The following POF1B variants were observed in gnomAD, a reference collection of about 807,000 sequenced individuals.
POF1B encodes POF1B actin binding protein, also known as protein POF1B.
Under a neutral mutation model 55.3 loss-of-function variants are expected in POF1B, and 53 were observed. The observed-to-expected ratio is 0.96, with a 90% CI of 0.77 to 1.20. The LOEUF is 1.20. Among genes scored for constraint, POF1B ranks in the 50% most tolerant of loss-of-function variants. The pLI, the probability that POF1B is intolerant of heterozygous loss-of-function variation, is 0.00. For synonymous variants in POF1B, 188 were observed against 148.3 expected, an observed-to-expected ratio of 1.27 and a Z score of -1.95; for missense variants, 478 against 420.5, an observed-to-expected ratio of 1.14 and a Z score of -1.20.
chrX:85,299,445 C>T (rs1198664810), intron 15 of POF1B, among the ~76,000 whole-genome samples: 18 of 105,254 alleles, frequency 1.7e-4, no homozygotes, highest in African/African-American at 5.7e-4. Flanking sequence ...CCCGCTACCA[C>T]GCCTGGCTAA....
chrX:85,281,329 G>A (rs1214864130), intron 16 of POF1B, among the ~76,000 whole-genome samples: 1 of 110,551 alleles, frequency 9.0e-6, no homozygotes, highest in African/African-American at 3.3e-5. Context: ...TGCCGATAAG[G>A]GACTTGAGCA....
At chrX:85,279,655 A>G (rs1207107127) in intron 16 of POF1B, among the ~76,000 whole-genome samples, 1 of 111,036 alleles carries the variant, frequency 9.0e-6, no homozygotes, top group Non-Finnish European at 1.9e-5. Context: ...GTGAAGGACA[A>G]TTAAGTAGAT....
chrX:85,369,671 A>G (rs780547067), intron 2 of POF1B, among the ~76,000 whole-genome samples: 1 of 111,804 alleles, frequency 8.9e-6, no homozygotes, highest in Non-Finnish European at 1.9e-5. Context: ...CTGCTGATTA[A>G]CATTTATATT....
At chrX:85,362,412 T>C (rs1933640824) in intron 3 of POF1B, among the ~76,000 whole-genome samples, 1 of 111,585 alleles carries the variant, frequency 9.0e-6, no homozygotes. Context: ...TTTTAAAGTA[T>C]GTTCCTTCAA....
intron 2 of POF1B, among the ~76,000 whole-genome samples, chrX:85,373,502 G>A (rs187544018): frequency 5.4e-5 from 6 of 111,526 alleles, no homozygotes; most frequent in Non-Finnish European, 5.6e-5. Flanking sequence ...AAAAACCCAT[G>A]TATTAATATG....
In POF1B at chrX:85,307,222, G is replaced by T; in HGVS notation, c.1105C>A (p.Gln369Lys). 1 of 1,204,787 alleles carries T rather than the reference G, an allele frequency of 8.3e-7. No individual in the cohort carries two copies. The highest frequency in any genetic ancestry group is 1.7e-5 in the African/African-American group (1 of 57,569). Residue 369 changes from glutamine (Q) to lysine (K), a missense_variant, in exon 11 of 17, where the codon CAA becomes AAA. By Grantham distance (53) the Gln-to-Lys change is moderately conservative. Coordinates refer to ENST00000262753, the MANE Select transcript of POF1B (RefSeq NM_024921.4). ...AAGAGTTCTTCGTACTCTTTTAATTGAGTGTCTTTGAATGATAAATCTTTC... is the reference window on the plus strand; with the variant it reads ...AAGAGTTCTTCGTACTCTTTTAATTTAGTGTCTTTGAATGATAAATCTTTC... The part of the protein sequence containing the change: ...LEKDLSFKDT[Q>K]LKEYEELLAS...
At chrX:85,324,490 T>C (rs1295415681) in intron 7 of POF1B, among the ~76,000 whole-genome samples, 3 of 111,715 alleles carry the variant, frequency 2.7e-5, no homozygotes, top group African/African-American at 9.8e-5. Context: ...TGATTTTTGT[T>C]AGTTTAAAAT....
intron 3 of POF1B, among the ~76,000 whole-genome samples, chrX:85,362,338 G>T (rs1036813647): frequency 1.8e-5 from 2 of 111,514 alleles, no homozygotes; most frequent in Non-Finnish European, 3.8e-5. Context: ...CAAGCGGAAT[G>T]CTTCCAGCTT....
chrX:85,376,097 T>A (rs757814679), intron 2 of POF1B, among the ~76,000 whole-genome samples: 153 of 111,553 alleles, frequency 1.4e-3, no homozygotes, highest in African/African-American at 4.5e-3. Context: ...TGCTAAAAAA[T>A]AGGCACTTAA....
intron 6 of POF1B, among the ~76,000 whole-genome samples, chrX:85,334,284 C>A (rs938415705): frequency 3.6e-5 from 4 of 110,741 alleles, no homozygotes; most frequent in Non-Finnish European, 7.6e-5. Flanking sequence ...ACAATACTGA[C>A]TTGAAATATA....
chrX:85,299,515 C>T (rs1202882026), intron 15 of POF1B, among the ~76,000 whole-genome samples: 1 of 103,862 alleles, frequency 9.6e-6, no homozygotes, highest in Non-Finnish European at 2.0e-5. Context: ...GTCTCGATCT[C>T]CTGACCTCGT....
At position 85,345,988 on chromosome X, in the gene POF1B, T is replaced by C; in HGVS notation, c.595A>G (p.Ile199Val). ...GGTTGTTGCCAGTGTGCAGAGTGGA[T>C]GACCTGGGGCTGTTGGATAATGTGA... ...HHHIIQQPQVIHSAHWQQPDS... is the reference protein window; with the variant it reads ...HHHIIQQPQVVHSAHWQQPDS... Residue 199 changes from isoleucine (I) to valine (V), a missense_variant, in exon 6 of 17, where the codon ATC becomes GTC. Transcript: ENST00000262753. 1 of 1,205,588 alleles carries C rather than the reference T, an allele frequency of 8.3e-7. No individual in the cohort carries two copies. The highest frequency in any genetic ancestry group is 3.0e-5 in the East Asian group (1 of 33,612).
chrX:85,349,041 T>A (rs1355393043), intron 5 of POF1B, among the ~76,000 whole-genome samples: 1 of 111,199 alleles, frequency 9.0e-6, no homozygotes, highest in Non-Finnish European at 1.9e-5. Flanking sequence ...TCATGAAATT[T>A]TTTCTGCTTG....
chrX:85,336,098 A>T (rs1333070697), intron 6 of POF1B, among the ~76,000 whole-genome samples: 1 of 110,766 alleles, frequency 9.0e-6, no homozygotes, highest in Non-Finnish European at 1.9e-5. Context: ...ATAAGTGAAA[A>T]CATGTAATAT....
intron 6 of POF1B, among the ~76,000 whole-genome samples, chrX:85,338,242 G>T (rs918279808): frequency 9.0e-6 from 1 of 111,453 alleles, no homozygotes; most frequent in African/African-American, 3.3e-5. Context: ...AATCTTTCAA[G>T]GTAAGTAAGT....
At chrX:85,353,450 G>A (rs927134715) in intron 4 of POF1B, among the ~76,000 whole-genome samples, 1 of 110,652 alleles carries the variant, frequency 9.0e-6, no homozygotes, top group Non-Finnish European at 1.9e-5. Flanking sequence ...ATGACTCTGA[G>A]ATCTTGAACC....
chrX:85,285,394 A>T (rs1932025509), intron 15 of POF1B, among the ~76,000 whole-genome samples: 1 of 111,149 alleles, frequency 9.0e-6, no homozygotes, highest in South Asian at 3.8e-4. Context: ...AAGACTTGGA[A>T]CCAACCCAAA....
chrX:85,321,130 A>G (rs1234763362), intron 7 of POF1B, among the ~76,000 whole-genome samples: 1 of 111,631 alleles, frequency 9.0e-6, no homozygotes, highest in African/African-American at 3.3e-5. Context: ...CCGGGAAGAG[A>G]CACAACCAAA....
chrX:85,285,196 G>A (rs969129388), intron 15 of POF1B, among the ~76,000 whole-genome samples: 5 of 111,550 alleles, frequency 4.5e-5, no homozygotes, highest in South Asian at 3.8e-4. Flanking sequence ...CTTTTACACC[G>A]TTGGCAGGAC....
Sources: allele counts gnomAD v4.1 joint callset (sites outside exome capture counted in the v4.1 genomes callset), GRCh38; gene constraint gnomAD v4.1.1; transcripts MANE v1.5; gene names NCBI Gene and HGNC (gene_info 2026-07-23, HGNC 2026-07-21).